Variants in FMN1 observed in about 807,000 individuals in gnomAD.
FMN1 encodes formin 1, also known as formin-1.
FMN1 carries 110 observed loss-of-function variants against 132.4 expected under a neutral mutation model. The ratio of observed to expected loss-of-function variants is 0.83; its 90% CI spans 0.71 to 0.97. FMN1 has a LOEUF of 0.97. Ranked by LOEUF, FMN1 falls within the 50% of genes least tolerant of loss-of-function variation. The pLI, the probability that FMN1 is intolerant of heterozygous loss-of-function variation, is 0.00. For synonymous variants in FMN1, 722 were observed against 651.7 expected, an observed-to-expected ratio of 1.11 and a Z score of -1.64; for missense variants, 1,792 against 1,705.3, an observed-to-expected ratio of 1.05 and a Z score of -0.90.
chr15:33,072,497 A>AG (rs2038037614), intron 5 of FMN1, among the ~76,000 whole-genome samples: 1 of 152,238 alleles, frequency 6.6e-6, no homozygotes, highest in Admixed American at 6.5e-5. Context: ...ATCAGTACCT[A>AG]GCTACTTAAA....
chr15:33,073,884 C>G (rs928973534), intron 5 of FMN1, among the ~76,000 whole-genome samples: 4 of 152,116 alleles, frequency 2.6e-5, no homozygotes, highest in African/African-American at 9.7e-5. Flanking sequence ...TTGCGTGTCA[C>G]CACGACCGAC....
intron 9 of FMN1, among the ~76,000 whole-genome samples, chr15:32,932,315 C>T (rs1278098182): frequency 1.3e-5 from 2 of 152,184 alleles, no homozygotes; most frequent in African/African-American, 4.8e-5. Flanking sequence ...GCAGGAAAAT[C>T]ACTTGAACCC....
chr15:33,095,731 G>A (rs1387998758), intron 4 of FMN1, among the ~76,000 whole-genome samples: 5 of 152,090 alleles, frequency 3.3e-5, no homozygotes, highest in Non-Finnish European at 5.9e-5. Context: ...TTCATTACAA[G>A]TAAATTTGAA....
At chr15:32,882,890 T>C (rs1039866800) in intron 16 of FMN1, among the ~76,000 whole-genome samples, 1 of 152,254 alleles carries the variant, frequency 6.6e-6, no homozygotes, top group Non-Finnish European at 1.5e-5. Flanking sequence ...TAGCACTGAC[T>C]GACTCAGGCA....
intron 20 of FMN1, among the ~76,000 whole-genome samples, chr15:32,775,365 C>T (rs1025850665): frequency 2.6e-5 from 4 of 151,962 alleles, no homozygotes; most frequent in African/African-American, 9.7e-5. Flanking sequence ...AGGATCACAA[C>T]TGGGAGCTTG....
rs143970120 is a variant in FMN1 at position 33,041,800 on chromosome 15, G to T, written c.2161+23157C>A. On this transcript the variant is annotated intron_variant, in intron 6 of 20. Coordinates refer to ENST00000616417, the MANE Select transcript of FMN1 (RefSeq NM_001277313.2). The stretch of plus-strand genomic sequence containing the variant: ...AAGATGGAAGTGGCAGTTGTTTAAT[G>T]CACATAGTGTCAGTTTTGCAAAATG... Among the ~76,000 whole-genome samples, 360 of 152,226 alleles carry T rather than the reference G, an allele frequency of 2.4e-3. 3 individuals are homozygous for T. The highest frequency in any genetic ancestry group is 4.1e-4 in the Non-Finnish European group (28 of 67,974).
intron 5 of FMN1, among the ~76,000 whole-genome samples, chr15:33,080,195 G>T (rs1041987224): frequency 2.0e-5 from 3 of 152,288 alleles, no homozygotes; most frequent in African/African-American, 7.2e-5. Context: ...GGCTTCCATG[G>T]AAACAATACA....
intron 3 of FMN1, among the ~76,000 whole-genome samples, chr15:33,165,641 T>G (rs1230844428): frequency 6.6e-6 from 1 of 152,184 alleles, no homozygotes; most frequent in African/African-American, 2.4e-5. Context: ...TCCGCCTGCC[T>G]CGGCCTCCCA....
At chr15:33,055,174 A>G (rs748847728) in intron 6 of FMN1, among the ~76,000 whole-genome samples, 2 of 152,284 alleles carry the variant, frequency 1.3e-5, no homozygotes, top group South Asian at 4.1e-4. Context: ...GGAGGCTTCA[A>G]CTGCATGATA....
chr15:32,811,128 G>A, intron 17 of FMN1: 1 of 456,106 alleles, frequency 2.2e-6, no homozygotes, highest in Non-Finnish European at 4.4e-6. Context: ...ACATTTGAGA[G>A]AAGAAAACAA....
Position 32,768,680 on chromosome 15 carries a change from A to G in FMN1, c.*5630T>C, listed in dbSNP as rs1023087786. The G allele has an allele frequency of 1.3e-5, 2 of 152,186 alleles. No individual in the cohort carries two copies. Among genetic ancestry groups the G allele is most frequent in the African/African-American group, 4.8e-5 (2 of 41,428 alleles). 9.4% of individuals were successfully genotyped at this position (152,186 alleles called of 1,614,324 possible). ...GTCTTCTTTGCATTTTGCTGGCCCAATGTCATCAAGTTTCACACAAAGCTT... is the reference window on the plus strand; with the variant it reads ...GTCTTCTTTGCATTTTGCTGGCCCAGTGTCATCAAGTTTCACACAAAGCTT... On this transcript the variant is annotated 3_prime_UTR_variant, in exon 21 of 21. Coordinates refer to ENST00000616417, the MANE Select transcript of FMN1 (RefSeq NM_001277313.2).
At chr15:32,806,188 A>T (rs2057674426) in intron 17 of FMN1, among the ~76,000 whole-genome samples, 1 of 152,254 alleles carries the variant, frequency 6.6e-6, no homozygotes, top group Non-Finnish European at 1.5e-5. Context: ...AAAATGAACG[A>T]AAATAAGTAA....
intron 6 of FMN1, chr15:33,012,736 G>T: frequency 1.3e-6 from 1 of 746,364 alleles, no homozygotes; most frequent in Non-Finnish European, 2.5e-6. Flanking sequence ...TGGCCATGGA[G>T]GTGGTTTTGG....
intron 4 of FMN1, among the ~76,000 whole-genome samples, chr15:33,123,437 C>CCT (rs1962755829): frequency 6.6e-6 from 1 of 152,114 alleles, no homozygotes; most frequent in Admixed American, 6.5e-5. Flanking sequence ...ATACATGGCA[C>CCT]TAAGCTAAGA....
intron 4 of FMN1, among the ~76,000 whole-genome samples, chr15:33,102,333 G>C: frequency 6.6e-6 from 1 of 152,132 alleles, no homozygotes; most frequent in Non-Finnish European, 1.5e-5. Context: ...GTGCTAGGGA[G>C]GGATGTAAAT....
At chr15:33,187,756 G>C (rs1343339070) in intron 2 of FMN1, among the ~76,000 whole-genome samples, 2 of 152,158 alleles carry the variant, frequency 1.3e-5, no homozygotes, top group African/African-American at 4.8e-5. Context: ...ACTCTGGGGG[G>C]TGGTATAATA....
intron 7 of FMN1, among the ~76,000 whole-genome samples, chr15:32,998,032 C>T (rs1391014869): frequency 6.6e-6 from 1 of 152,150 alleles, no homozygotes; most frequent in Non-Finnish European, 1.5e-5. Context: ...AGGCTCCAGG[C>T]AATCAACATA....
At chr15:32,990,540 G>A (rs1435519594) in intron 7 of FMN1, among the ~76,000 whole-genome samples, 1 of 152,170 alleles carries the variant, frequency 6.6e-6, no homozygotes, top group African/African-American at 2.4e-5. Context: ...GTGAGAGAAG[G>A]AATGGAAGGT....
At chr15:32,970,360 A>G (rs2031675324) in intron 7 of FMN1, among the ~76,000 whole-genome samples, 1 of 152,188 alleles carries the variant, frequency 6.6e-6, no homozygotes, top group African/African-American at 2.4e-5. Flanking sequence ...ACAGTAATTA[A>G]ATATTTTTTG....
Sources: allele counts gnomAD v4.1 joint callset (sites outside exome capture counted in the v4.1 genomes callset), GRCh38; gene constraint gnomAD v4.1.1; transcripts MANE v1.5; gene names NCBI Gene and HGNC (gene_info 2026-07-23, HGNC 2026-07-21).